The following SDK1 variants were observed in gnomAD, a reference collection of about 807,000 sequenced individuals.
SDK1 encodes protein sidekick-1.
Under a neutral mutation model 245.5 loss-of-function variants are expected in SDK1, and 157 were observed. That is an observed-to-expected ratio of 0.64 (90% CI 0.56 to 0.73). SDK1 has a LOEUF of 0.73. Among genes scored for constraint, SDK1 ranks in the 30% least tolerant of loss-of-function variants. The pLI is 0.00. For missense variants in SDK1, 3,583 were observed against 3,002.3 expected, an observed-to-expected ratio of 1.19 and a Z score of -4.52; for synonymous variants, 1,647 against 1,278.5, an observed-to-expected ratio of 1.29 and a Z score of -6.15.
chr7:3,744,318 C>T (rs1779556546), intron 4 of SDK1, among the ~76,000 whole-genome samples: 1 of 152,062 alleles, frequency 6.6e-6, no homozygotes, highest in South Asian at 2.1e-4. Flanking sequence ...CCTTTCTTTC[C>T]ATATATACAT....
At chr7:4,072,774 C>T (rs1040877178) in intron 20 of SDK1, among the ~76,000 whole-genome samples, 2 of 152,160 alleles carry the variant, frequency 1.3e-5, no homozygotes, top group African/African-American at 4.8e-5. Context: ...GGCTCAGCAC[C>T]ACTTTACGGG....
At chr7:4,107,698 C>T (rs555386319) in intron 22 of SDK1, among the ~76,000 whole-genome samples, 68 of 152,212 alleles carry the variant, frequency 4.5e-4, no homozygotes, top group African/African-American at 1.6e-3. Flanking sequence ...CTTGGTCCTC[C>T]GCACTCCCCA....
At chr7:3,400,222 T>G (rs1778851710) in intron 1 of SDK1, among the ~76,000 whole-genome samples, 1 of 152,158 alleles carries the variant, frequency 6.6e-6, no homozygotes, top group Non-Finnish European at 1.5e-5. Flanking sequence ...GTAGACCAAG[T>G]TAAAATGCCA....
At chr7:3,990,134 A>C (rs1583750809) in intron 14 of SDK1, among the ~76,000 whole-genome samples, 1 of 152,244 alleles carries the variant, frequency 6.6e-6, no homozygotes, top group East Asian at 1.9e-4. Context: ...CTGAAGAACC[A>C]TTATTTGAGT....
rs1230089643 is a variant in SDK1 at position 3,441,244 on chromosome 7, G to A, written c.298+139360G>A. 2.0e-5 allele frequency among the ~76,000 whole-genome samples: 3 copies of A among 151,902 alleles called. No individual in the cohort carries two copies. The East Asian group carries it at 5.8e-4, about 29-fold the overall frequency. On this transcript the variant is annotated intron_variant, in intron 1 of 44. Coordinates refer to ENST00000404826, the MANE Select transcript of SDK1 (RefSeq NM_152744.4). ...GATTTATAAATTAAACTGTATCATAGGTAAATATGAATAGGAAAAAACAGT... is the reference window on the plus strand; with the variant it reads ...GATTTATAAATTAAACTGTATCATAAGTAAATATGAATAGGAAAAAACAGT...
At chr7:3,547,946 C>T (rs1358752649) in intron 1 of SDK1, among the ~76,000 whole-genome samples, 2 of 152,212 alleles carry the variant, frequency 1.3e-5, no homozygotes, top group Admixed American at 6.5e-5. Context: ...TATTGGAAAG[C>T]ATAGTCAGTG....
chr7:3,686,516 A>G (rs1422840141), intron 4 of SDK1, among the ~76,000 whole-genome samples: 6 of 152,264 alleles, frequency 3.9e-5, no homozygotes, highest in Admixed American at 2.6e-4. Context: ...TCACTCACGC[A>G]TACATACATT....
chr7:3,459,628 C>T (rs1029387478), intron 1 of SDK1, among the ~76,000 whole-genome samples: 2 of 152,158 alleles, frequency 1.3e-5, no homozygotes, highest in African/African-American at 2.4e-5. Flanking sequence ...TTTTTAAAAT[C>T]AGGGAAGAAA....
At chr7:3,878,684 C>A (rs770431200) in intron 5 of SDK1, among the ~76,000 whole-genome samples, 1 of 152,154 alleles carries the variant, frequency 6.6e-6, no homozygotes, top group Non-Finnish European at 1.5e-5. Context: ...GTTAGATCAG[C>A]ACTTAGAGGG....
At chr7:3,624,968 G>C (rs2128646212) in intron 2 of SDK1, among the ~76,000 whole-genome samples, 1 of 152,232 alleles carries the variant, frequency 6.6e-6, no homozygotes, top group South Asian at 2.1e-4. Flanking sequence ...GAACCCGGGA[G>C]GCGGAGGTTG....
intron 4 of SDK1, among the ~76,000 whole-genome samples, chr7:3,721,638 T>A (rs1460173595): frequency 1.3e-5 from 2 of 152,158 alleles, no homozygotes; most frequent in Non-Finnish European, 2.9e-5. Context: ...TGTGGGTGTC[T>A]GGTGTTTCCA....
intron 5 of SDK1, among the ~76,000 whole-genome samples, chr7:3,909,385 G>A (rs921376198): frequency 1.7e-4 from 26 of 152,328 alleles, no homozygotes; most frequent in African/African-American, 5.3e-4. Flanking sequence ...CTGTGGAGCA[G>A]CTGTGGAGCA....
chr7:3,548,158 ATAGAT>A (rs1291788814), intron 1 of SDK1, among the ~76,000 whole-genome samples: 4 of 152,236 alleles, frequency 2.6e-5, no homozygotes, highest in African/African-American at 9.6e-5. Flanking sequence ...CATCAGTTGA[ATAGAT>A]TAGAGATTCA....
intron 5 of SDK1, among the ~76,000 whole-genome samples, chr7:3,860,149 T>A (rs757231032): frequency 7.9e-5 from 12 of 152,110 alleles, no homozygotes; most frequent in Non-Finnish European, 1.6e-4. Flanking sequence ...CTCACTCTCC[T>A]GACCTCGTGA....
intron 22 of SDK1, among the ~76,000 whole-genome samples, chr7:4,085,484 A>G (rs78971016): frequency 0.011 from 1,719 of 152,236 alleles, 24 homozygotes; most frequent in African/African-American, 0.028. Flanking sequence ...AAGTGCGTTC[A>G]TTTCAGGACT....
chr7:3,608,243 A>G (rs1781483582), intron 1 of SDK1, among the ~76,000 whole-genome samples: 1 of 152,220 alleles, frequency 6.6e-6, no homozygotes, highest in Non-Finnish European at 1.5e-5. Context: ...CTGTGTCGAA[A>G]TGTGAATTAC....
rs4722996 is a variant in SDK1, at chr7:3,661,888, A to T, written c.713+19783A>T. Among the ~76,000 whole-genome samples, 437 of 151,592 alleles carry T rather than the reference A, an allele frequency of 2.9e-3. 3 individuals carry two copies. The highest frequency in any genetic ancestry group is 0.01 in the African/African-American group (418 of 41,294). ...TAACACCTGCCTCATAGCATGGCTG[A>T]GGGGGTTACCTGTTTAAGCACGTGC... On this transcript the variant is annotated intron_variant, in intron 4 of 44. Coordinates refer to ENST00000404826, the MANE Select transcript of SDK1 (RefSeq NM_152744.4).
At chr7:3,325,034 G>A (rs114463426) in intron 1 of SDK1, among the ~76,000 whole-genome samples, 2,359 of 152,170 alleles carry the variant, frequency 0.016, 56 homozygotes, top group African/African-American at 0.047. Flanking sequence ...TGTTTCTCTG[G>A]AACTGCATTT....
intron 4 of SDK1, among the ~76,000 whole-genome samples, chr7:3,716,408 A>C (rs1184147844): frequency 6.6e-6 from 1 of 152,224 alleles, no homozygotes; most frequent in Non-Finnish European, 1.5e-5. Context: ...AGAACTCTGA[A>C]AAAAATCTGT....
Sources: allele counts gnomAD v4.1 joint callset (sites outside exome capture counted in the v4.1 genomes callset), GRCh38; gene constraint gnomAD v4.1.1; transcripts MANE v1.5; gene names NCBI Gene and HGNC (gene_info 2026-07-23, HGNC 2026-07-21).